The following TGFBR1 variants were observed in gnomAD, a reference collection of about 807,000 sequenced individuals.
TGFBR1 encodes transforming growth factor beta receptor 1.
In TGFBR1, 20 loss-of-function variants were observed where a neutral mutation model predicts 55.1. That is an observed-to-expected ratio of 0.36 (90% CI 0.26 to 0.53). The LOEUF is 0.53. Ranked by LOEUF, TGFBR1 falls within the 20% of genes least tolerant of loss-of-function variation. TGFBR1 has a pLI of 0.91. For missense variants in TGFBR1, 385 were observed against 617.6 expected, an observed-to-expected ratio of 0.62 and a Z score of 3.99; for synonymous variants, 220 against 214.8, an observed-to-expected ratio of 1.02 and a Z score of -0.21.
At position 99,152,965 on chromosome 9, in the gene TGFBR1, G is replaced by A. The variant is rs1828018667; in HGVS notation, c.*3660G>A. The A allele has an allele frequency of 4.4e-6, 1 of 228,816 alleles. No homozygotes were observed. The allele number at this position is 228,816 out of a possible 1,614,324, so 14.2% of individuals were successfully genotyped here. On this transcript the variant is annotated 3_prime_UTR_variant, in exon 9 of 9. Transcript: ENST00000374994. ...GTAAATGTAAACTTCTAAAAATATG[G>A]TTAATAACATTCAACCTGTTTATTA...
intron 1 of TGFBR1, among the ~76,000 whole-genome samples, chr9:99,105,890 C>T (rs1210096346): frequency 6.6e-6 from 1 of 152,206 alleles, no homozygotes; most frequent in Non-Finnish European, 1.5e-5. Flanking sequence ...GTCCGCAGGC[C>T]GCCCTGACTC....
At chr9:99,131,642 A>AG (rs942575952) in intron 2 of TGFBR1, among the ~76,000 whole-genome samples, 1 of 152,132 alleles carries the variant, frequency 6.6e-6, no homozygotes, top group Admixed American at 6.5e-5. Flanking sequence ...CTGTTAAAAA[A>AG]AAAAAGTAAA....
At chr9:99,146,089 ATCT>A in intron 6 of TGFBR1, 1 of 290,412 alleles carries the variant, frequency 3.4e-6, no homozygotes, top group South Asian at 3.3e-5. Context: ...ATTCTTTTGT[ATCT>A]ATTATTTTTT....
intron 1 of TGFBR1, among the ~76,000 whole-genome samples, chr9:99,120,548 T>A (rs140926461): frequency 6.6e-5 from 10 of 152,320 alleles, no homozygotes; most frequent in African/African-American, 2.4e-4. Flanking sequence ...CCTTTAGTAG[T>A]AGGACCATTC....
chr9:99,132,632 A>T lies in TGFBR1; in HGVS notation c.467A>T (p.His156Leu). The change falls in exon 3 of 9, where the codon CAT (histidine) becomes CTT (leucine). Residue 156 changes from histidine to leucine, a missense_variant. Transcript: ENST00000374994. ...YICHNRTVIH[H>L]RVPNEEDPSL... ...TGCCACAACCGCACTGTCATTCACC[A>T]TCGAGTGCCAAATGAAGAGGACCCT... 1 of 1,614,168 alleles carries T rather than the reference A, an allele frequency of 6.2e-7. No homozygotes were observed. Among genetic ancestry groups the T allele is most frequent in the Non-Finnish European group, 8.5e-7 (1 of 1,180,016 alleles).
At chr9:99,131,798 G>A (rs763968599) in intron 2 of TGFBR1, among the ~76,000 whole-genome samples, 5 of 151,978 alleles carry the variant, frequency 3.3e-5, no homozygotes, top group African/African-American at 7.2e-5. Context: ...GTGAAACCCC[G>A]TCTCTATTAA....
Position 99,128,877 on chromosome 9 carries a change from C to G in TGFBR1, c.120C>G (p.Leu40=), listed in dbSNP as rs201267786. The change falls in exon 2 of 9, where the codon CTC becomes CTG. Residue 40 remains leucine, a synonymous_variant. Coordinates refer to ENST00000374994, the MANE Select transcript of TGFBR1 (RefSeq NM_004612.4). The part of the protein sequence containing the change: ...GATALQCFCH[L]CTKDNFTCVT... Reference sequence around the variant, plus strand: ...CAGCGTTACAGTGTTTCTGCCACCTCTGTACAAAAGACAATTTTACTTGTG... The same window carrying G: ...CAGCGTTACAGTGTTTCTGCCACCTGTGTACAAAAGACAATTTTACTTGTG... 1 of 1,613,868 alleles carries G rather than the reference C, an allele frequency of 6.2e-7. No individual in the cohort carries two copies.
chr9:99,150,689 A>C lies in TGFBR1; in HGVS notation c.*1384A>C. On this transcript the variant is annotated 3_prime_UTR_variant, in exon 9 of 9. Coordinates refer to ENST00000374994, the MANE Select transcript of TGFBR1 (RefSeq NM_004612.4). ...GTGTGCGTACATTGCAACTGCTTACATGTAATTTATGTAATGCATTCAGTG... is the reference window on the plus strand; with the variant it reads ...GTGTGCGTACATTGCAACTGCTTACCTGTAATTTATGTAATGCATTCAGTG... The C allele has an allele frequency of 4.8e-6, 1 of 210,360 alleles. No homozygotes were observed. The highest frequency in any genetic ancestry group is 9.7e-6 in the Non-Finnish European group (1 of 103,176). 13.0% of individuals were successfully genotyped at this position (210,360 alleles called of 1,614,324 possible).
chr9:99,149,375 TTGTTCTACC>T lies in TGFBR1; in HGVS notation c.*72_*80del. ...CCTGGGTTTTAATTTGGGAGGTCAA[TTGTTCTACC>T]TCACTGAGAGGGAACAGAAGGATAT... On this transcript the variant is annotated 3_prime_UTR_variant, in exon 9 of 9. Coordinates refer to ENST00000374994, the MANE Select transcript of TGFBR1 (RefSeq NM_004612.4). The T allele has an allele frequency of 6.3e-7, 1 of 1,590,804 alleles. No homozygotes were observed.
At chr9:99,147,227 G>A (rs1827821690) in intron 7 of TGFBR1, among the ~76,000 whole-genome samples, 1 of 152,140 alleles carries the variant, frequency 6.6e-6, no homozygotes, top group African/African-American at 2.4e-5. Context: ...ATTATTGACA[G>A]ATGCAAGTAG....
intron 1 of TGFBR1, among the ~76,000 whole-genome samples, chr9:99,107,622 T>A (rs912597448): frequency 6.6e-6 from 1 of 152,224 alleles, no homozygotes; most frequent in South Asian, 2.1e-4. Flanking sequence ...TTTCCCATGT[T>A]TTTCTCATCT....
chr9:99,144,923 G>C (rs772488921), intron 6 of TGFBR1, 35 bp downstream of exon 6: 2 of 1,609,116 alleles, frequency 1.2e-6, no homozygotes, highest in Admixed American at 3.3e-5. Flanking sequence ...AATATCTTCT[G>C]AAATCACCTT....
rs11466472 is a variant in TGFBR1, at chr9:99,146,922, G to A, written c.1255+313G>A. ...GCTGCTTGAGAGGCTCACCTAGGAA[G>A]CTGTTTCTAGCATGTACCTGGGTGT... On this transcript the variant is annotated intron_variant, in intron 7 of 8. Coordinates refer to ENST00000374994, the MANE Select transcript of TGFBR1 (RefSeq NM_004612.4). 2.8e-3 allele frequency among the ~76,000 whole-genome samples: 421 copies of A among 152,266 alleles called. 1 individual carries two copies. Among genetic ancestry groups the A allele is most frequent in the African/African-American group, 9.2e-3 (381 of 41,570 alleles).
chr9:99,133,667 T>C (rs1427247812), intron 3 of TGFBR1, among the ~76,000 whole-genome samples: 2 of 152,204 alleles, frequency 1.3e-5, no homozygotes, highest in African/African-American at 2.4e-5. Context: ...ATGGAACCCA[T>C]ACTGTTGATA....
chr9:99,105,069 C>T, upstream of TGFBR1: 2 of 628,470 alleles, frequency 3.2e-6, no homozygotes, highest in Non-Finnish European at 4.1e-6. Context: ...CCAATGGACG[C>T]GCGTCCTCCG....
intron 3 of TGFBR1, among the ~76,000 whole-genome samples, chr9:99,133,940 G>A (rs940740377): frequency 4.0e-4 from 61 of 150,708 alleles, no homozygotes; most frequent in African/African-American, 1.4e-3. Flanking sequence ...GGGGGTGGAG[G>A]TTGCAGTTAG....
chr9:99,136,741 T>A (rs1023778485), intron 3 of TGFBR1, among the ~76,000 whole-genome samples: 8 of 152,016 alleles, frequency 5.3e-5, no homozygotes, highest in African/African-American at 1.9e-4. Context: ...ATTTAACGTT[T>A]GGATTTATAA....
At chr9:99,144,494 T>G (rs898495891) in intron 5 of TGFBR1, among the ~76,000 whole-genome samples, 1 of 152,168 alleles carries the variant, frequency 6.6e-6, no homozygotes, top group Non-Finnish European at 1.5e-5. Context: ...TGCCCCAGTC[T>G]TTGAGTTGTT....
intron 1 of TGFBR1, chr9:99,127,719 G>A (rs780890595): frequency 1.4e-5 from 5 of 354,550 alleles, no homozygotes; most frequent in African/African-American, 4.3e-5. Context: ...TGCTGTTCAC[G>A]TCATAGATGG....
Sources: gnomAD v4.1 joint callset for allele counts (sites outside exome capture counted in the v4.1 genomes callset) on GRCh38, gnomAD v4.1.1 for gene constraint, MANE v1.5 for transcripts, NCBI Gene and HGNC (gene_info 2026-07-23, HGNC 2026-07-21) for gene names.